Variants in NCKAP5 observed in about 807,000 individuals in gnomAD.
The protein encoded by NCKAP5 is NCK associated protein 5, also known as nck-associated protein 5.
A neutral mutation model predicts 167.0 loss-of-function variants in NCKAP5; 92 were observed. The ratio of observed to expected loss-of-function variants is 0.55; its 90% CI spans 0.47 to 0.66. NCKAP5 has a LOEUF of 0.66. Among genes scored for constraint, NCKAP5 ranks in the 30% least tolerant of loss-of-function variants. The probability of loss-of-function intolerance (pLI) is 0.00; values close to 1 mark genes in which losing one functional copy is unlikely to be tolerated. For synonymous variants in NCKAP5, 891 were observed against 877.4 expected, an observed-to-expected ratio of 1.02 and a Z score of -0.27; for missense variants, 2,378 against 2,315.0, an observed-to-expected ratio of 1.03 and a Z score of -0.56.
chr2:133,063,293 T>C (rs1031147698), intron 6 of NCKAP5, among the ~76,000 whole-genome samples: 1 of 152,200 alleles, frequency 6.6e-6, no homozygotes, highest in African/African-American at 2.4e-5. Flanking sequence ...AATCAATAAT[T>C]CTATTGTCAT....
At position 132,762,520 on chromosome 2, in the gene NCKAP5, G is replaced by A. The variant is rs1681091817; in HGVS notation, c.5128+11296C>T. Among the ~76,000 whole-genome samples, 5 of 152,280 alleles carry A rather than the reference G, an allele frequency of 3.3e-5. No homozygotes were observed. In the South Asian group the frequency reaches 1.0e-3, roughly 32 times the overall value. ...TTGTACTTTAGAGCAATAGGCCTTG[G>A]AAATGGGTGGGGAAAGGGCAAAACT... is the stretch of plus-strand genomic sequence containing the variant. On this transcript the variant is annotated intron_variant, in intron 16 of 19. Coordinates refer to ENST00000409261, the MANE Select transcript of NCKAP5 (RefSeq NM_207363.3).
At chr2:133,594,523 GCA>G in the NCKAP5 span, among the ~76,000 whole-genome samples, 320 of 152,256 alleles carry the variant, frequency 2.1e-3, 1 homozygote, top group African/African-American at 7.3e-3. Context: ...AAGTAGGTAT[GCA>G]ACACTTTTCT....
At chr2:133,312,634 A>C (rs1324313652) in intron 3 of NCKAP5, among the ~76,000 whole-genome samples, 2 of 152,206 alleles carry the variant, frequency 1.3e-5, no homozygotes, top group African/African-American at 4.8e-5. Context: ...CTACATGCTA[A>C]GGATAGCTAA....
At chr2:132,807,224 T>G (rs2105239961) in intron 11 of NCKAP5, among the ~76,000 whole-genome samples, 1 of 152,324 alleles carries the variant, frequency 6.6e-6, no homozygotes, top group African/African-American at 2.4e-5. Flanking sequence ...TTGTTTAGTC[T>G]TGCTTTGGCT....
chr2:133,243,558 C>T (rs183256893), intron 4 of NCKAP5, among the ~76,000 whole-genome samples: 66 of 152,218 alleles, frequency 4.3e-4, no homozygotes, highest in Non-Finnish European at 8.8e-4. Flanking sequence ...AAAATAAAAC[C>T]ATTTCTTACC....
At chr2:132,895,816 C>CAAAAAA (rs59012786) in intron 8 of NCKAP5, among the ~76,000 whole-genome samples, 1 of 105,250 alleles carries the variant, frequency 9.5e-6, no homozygotes. Context: ...GAGAAGGACT[C>CAAAAAA]AAAAAAAAAA....
intron 8 of NCKAP5, among the ~76,000 whole-genome samples, chr2:132,908,979 A>C (rs1051980376): frequency 6.6e-6 from 1 of 152,210 alleles, no homozygotes; most frequent in Non-Finnish European, 1.5e-5. Context: ...AAGTAATCAG[A>C]TGTTTTGTTG....
intron 3 of NCKAP5, among the ~76,000 whole-genome samples, chr2:133,413,130 T>C (rs940519411): frequency 1.3e-5 from 2 of 151,952 alleles, no homozygotes; most frequent in Admixed American, 1.3e-4. Context: ...GGAGGCACAG[T>C]GGGAAGAGAC....
intron 6 of NCKAP5, among the ~76,000 whole-genome samples, chr2:133,098,284 T>C (rs1339982494): frequency 6.6e-6 from 1 of 152,228 alleles, no homozygotes; most frequent in Non-Finnish European, 1.5e-5. Context: ...CGCCTTAAAA[T>C]AATTGCATTA....
chr2:133,656,246 G>T, the NCKAP5 span, among the ~76,000 whole-genome samples: 2 of 150,424 alleles, frequency 1.3e-5, no homozygotes, highest in East Asian at 1.9e-4. Context: ...AGCCTAAAAT[G>T]CCTCGTGGAA....
At chr2:133,381,437 G>C (rs1374343475) in intron 3 of NCKAP5, 1 of 152,216 alleles carries the variant, frequency 6.6e-6, no homozygotes, top group East Asian at 1.9e-4. Context: ...TCCTCATCGG[G>C]TGGGCAAACC....
intron 6 of NCKAP5, among the ~76,000 whole-genome samples, chr2:133,085,308 C>A (rs1480603379): frequency 6.6e-6 from 1 of 152,152 alleles, no homozygotes; most frequent in East Asian, 1.9e-4. Context: ...GATGATGCAG[C>A]ATTTAATAGA....
intron 6 of NCKAP5, among the ~76,000 whole-genome samples, chr2:133,068,215 C>A: frequency 6.6e-6 from 1 of 152,234 alleles, no homozygotes; most frequent in Non-Finnish European, 1.5e-5. Context: ...ATACCTGAAC[C>A]TTTGTGGGCA....
In NCKAP5 at chr2:133,499,944, G is replaced by A. The variant is rs1224125730; in HGVS notation, c.69+17514C>T. 4.6e-5 allele frequency among the ~76,000 whole-genome samples: 7 copies of A among 152,192 alleles called. 1 individual carries two copies. The highest frequency in any genetic ancestry group is 4.6e-4 in the Admixed American group (7 of 15,284). ...CTGACACAACACCATTTTTCAAATAGTTTCTCTGATTATTCACAAGGATTT... is the reference window on the plus strand; with the variant it reads ...CTGACACAACACCATTTTTCAAATAATTTCTCTGATTATTCACAAGGATTT... On this transcript the variant is annotated intron_variant, in intron 3 of 19. Coordinates refer to ENST00000409261, the MANE Select transcript of NCKAP5 (RefSeq NM_207363.3).
At chr2:132,916,191 G>C (rs1347214497) in intron 8 of NCKAP5, among the ~76,000 whole-genome samples, 5 of 151,882 alleles carry the variant, frequency 3.3e-5, no homozygotes, top group Admixed American at 3.3e-4. Flanking sequence ...GAAATACTAT[G>C]GTGAAGGCAA....
chr2:132,725,519 G>A lies in NCKAP5; in HGVS notation c.5713+108C>T, dbSNP rs535417739. ...AATTAGATCTCAGGAGAGACATGAA[G>A]AAAAAACATAAAATCAAAGAGGGTG... is the stretch of plus-strand genomic sequence containing the variant. On this transcript the variant is annotated intron_variant, in intron 19 of 19. Transcript: ENST00000409261. The A allele has an allele frequency of 8.8e-5, 119 of 1,352,342 alleles. 1 individual carries two copies. The Middle Eastern group carries it at 1.6e-3, about 18-fold the overall frequency. 83.8% of individuals were successfully genotyped at this position (1,352,342 alleles called of 1,614,324 possible).
At chr2:132,905,616 T>G (rs1693949846) in intron 8 of NCKAP5, among the ~76,000 whole-genome samples, 1 of 152,230 alleles carries the variant, frequency 6.6e-6, no homozygotes, top group African/African-American at 2.4e-5. Flanking sequence ...TACTAAATTC[T>G]GCCTTATTTC....
Position 133,552,447 on chromosome 2 carries a change from G to A in NCKAP5, c.-62+6603C>T, listed in dbSNP as rs1396000354. 4.7e-5 allele frequency among the ~76,000 whole-genome samples: 7 copies of A among 147,554 alleles called. No individual in the cohort carries two copies. The East Asian group carries it at 1.3e-3, about 27-fold the overall frequency. On this transcript the variant is annotated intron_variant, in intron 2 of 19. Coordinates refer to ENST00000409261, the MANE Select transcript of NCKAP5 (RefSeq NM_207363.3). ...ATGATGAGTTCGTGTCCTTTGTAGC[G>A]ACATGGATGAAATTGGAAATCATCA...
At chr2:133,587,344 G>T in the NCKAP5 span, among the ~76,000 whole-genome samples, 1 of 152,162 alleles carries the variant, frequency 6.6e-6, no homozygotes, top group Non-Finnish European at 1.5e-5. Flanking sequence ...GGCACTTACA[G>T]AGGTTGTGTC....
Sources: allele counts gnomAD v4.1 joint callset (sites outside exome capture counted in the v4.1 genomes callset), GRCh38; gene constraint gnomAD v4.1.1; transcripts MANE v1.5; gene names NCBI Gene and HGNC (gene_info 2026-07-23, HGNC 2026-07-21).